The following PPM1L variants were observed in gnomAD, a reference collection of about 807,000 sequenced individuals.
PPM1L encodes protein phosphatase, Mg2+/Mn2+ dependent 1L.
Under a neutral mutation model 31.4 loss-of-function variants are expected in PPM1L, and 13 were observed. The ratio of observed to expected loss-of-function variants is 0.41; its 90% CI spans 0.27 to 0.66. The LOEUF (loss-of-function observed/expected upper bound fraction) is 0.66. Among genes scored for constraint, PPM1L ranks in the 30% least tolerant of loss-of-function variants. The pLI is 0.29. For synonymous variants in PPM1L, 184 were observed against 175.4 expected (o/e 1.05, Z -0.39); for missense variants, 326 against 453.7 (o/e 0.72, Z 2.56).
intron 1 of PPM1L, among the ~76,000 whole-genome samples, chr3:160,814,041 T>G (rs139460478): frequency 1.3e-5 from 2 of 152,362 alleles, no homozygotes; most frequent in African/African-American, 2.4e-5. Context: ...GCGTTTTATC[T>G]TTTAAAAACT....
At chr3:160,892,640 A>C (rs1187162336) in intron 1 of PPM1L, among the ~76,000 whole-genome samples, 1 of 152,102 alleles carries the variant, frequency 6.6e-6, no homozygotes, top group Non-Finnish European at 1.5e-5. Flanking sequence ...TTCGTTCCAC[A>C]TTGGGGTTTC....
chr3:161,056,935 C>T (rs144477395), intron 2 of PPM1L, among the ~76,000 whole-genome samples: 1,752 of 152,094 alleles, frequency 0.012, 47 homozygotes, highest in African/African-American at 0.039. Context: ...TGGTGGCGCA[C>T]GCCTGTAATC....
chr3:160,915,730 AAC>A (rs937283229), intron 1 of PPM1L, among the ~76,000 whole-genome samples: 4 of 152,236 alleles, frequency 2.6e-5, no homozygotes, highest in Non-Finnish European at 4.4e-5. Context: ...AATGGAACAG[AAC>A]AGAGCCCTCA....
chr3:161,067,887 C>G (rs1304130704), intron 3 of PPM1L, among the ~76,000 whole-genome samples: 1 of 152,214 alleles, frequency 6.6e-6, no homozygotes, highest in Non-Finnish European at 1.5e-5. Context: ...CATCTGCCTA[C>G]AGCATTTAGC....
intron 1 of PPM1L, among the ~76,000 whole-genome samples, chr3:160,793,604 G>A (rs1017704755): frequency 5.3e-5 from 8 of 152,294 alleles, no homozygotes; most frequent in East Asian, 1.9e-4. Flanking sequence ...TAAAGTGTGC[G>A]TGTTGATTTC....
At chr3:161,032,684 G>A (rs1718606128) in intron 2 of PPM1L, among the ~76,000 whole-genome samples, 2 of 130,084 alleles carry the variant, frequency 1.5e-5, no homozygotes, top group Admixed American at 1.6e-4. Context: ...CCTCAGTACA[G>A]AGAAGTCCTT....
chr3:160,937,949 C>G (rs1008391415), intron 1 of PPM1L, among the ~76,000 whole-genome samples: 2 of 152,114 alleles, frequency 1.3e-5, no homozygotes, highest in Non-Finnish European at 2.9e-5. Context: ...TTTGTTGATA[C>G]TTAAATTTAT....
chr3:160,897,919 A>G (rs1165854115), intron 1 of PPM1L, among the ~76,000 whole-genome samples: 1 of 152,132 alleles, frequency 6.6e-6, no homozygotes. Flanking sequence ...ACGTTTTACA[A>G]CTCTGTAATT....
chr3:160,962,985 G>C (rs199892434), intron 2 of PPM1L, among the ~76,000 whole-genome samples: 1 of 136,650 alleles, frequency 7.3e-6, no homozygotes, highest in Non-Finnish European at 1.6e-5. Context: ...TTTTTTTTTT[G>C]TTTTCCAGAC....
intron 1 of PPM1L, among the ~76,000 whole-genome samples, chr3:160,927,906 G>A (rs1714655697): frequency 6.6e-6 from 1 of 152,112 alleles, no homozygotes; most frequent in Non-Finnish European, 1.5e-5. Flanking sequence ...CCCAGTAAAT[G>A]TGTATTGAAT....
intron 1 of PPM1L, among the ~76,000 whole-genome samples, chr3:160,798,370 A>G (rs1712322352): frequency 6.6e-6 from 1 of 152,196 alleles, no homozygotes; most frequent in African/African-American, 2.4e-5. Context: ...CCTGGCTTCA[A>G]AACTTCAAAG....
intron 1 of PPM1L, among the ~76,000 whole-genome samples, chr3:160,916,255 G>A (rs1714176901): frequency 6.6e-6 from 1 of 152,110 alleles, no homozygotes; most frequent in African/African-American, 2.4e-5. Context: ...CGAAGGATAT[G>A]AACAGACACT....
At chr3:160,923,208 G>A (rs774372484) in intron 1 of PPM1L, among the ~76,000 whole-genome samples, 17 of 152,094 alleles carry the variant, frequency 1.1e-4, no homozygotes, top group Non-Finnish European at 2.2e-4. Flanking sequence ...TACCTTTTAG[G>A]ATCTCACTAT....
At chr3:160,919,340 C>T (rs1350433729) in intron 1 of PPM1L, among the ~76,000 whole-genome samples, 1 of 152,140 alleles carries the variant, frequency 6.6e-6, no homozygotes, top group African/African-American at 2.4e-5. Context: ...AGTTGGGCCA[C>T]TTAAGAACTG....
In PPM1L at chr3:161,070,977, T is replaced by G. The variant is rs1719898555; in HGVS notation, c.*1820T>G. 1 of 152,232 alleles carries G rather than the reference T, an allele frequency of 6.6e-6. No individual in the cohort carries two copies. Among genetic ancestry groups the G allele is most frequent in the South Asian group, 2.1e-4 (1 of 4,832 alleles). 9.4% of individuals were successfully genotyped at this position (152,232 alleles called of 1,614,324 possible). On this transcript the variant is annotated 3_prime_UTR_variant, in exon 4 of 4. Transcript: ENST00000498165. ...CTGTATTTTCCAGCATTACAGAACCTTGGTTATTGTTTTTTAGCCATAGAA... is the reference window on the plus strand; with the variant it reads ...CTGTATTTTCCAGCATTACAGAACCGTGGTTATTGTTTTTTAGCCATAGAA...
At chr3:160,835,667 T>G (rs1713694252) in intron 1 of PPM1L, among the ~76,000 whole-genome samples, 3 of 152,142 alleles carry the variant, frequency 2.0e-5, no homozygotes, top group African/African-American at 7.2e-5. Flanking sequence ...GAATTTCCTC[T>G]TCTCATTTTT....
intron 2 of PPM1L, among the ~76,000 whole-genome samples, chr3:161,051,832 G>C (rs879845125): frequency 6.6e-6 from 1 of 152,172 alleles, no homozygotes; most frequent in Non-Finnish European, 1.5e-5. Context: ...TGCAGAACCT[G>C]CCAATGGCAT....
intron 1 of PPM1L, among the ~76,000 whole-genome samples, chr3:160,776,550 T>A (rs1459723693): frequency 1.3e-5 from 2 of 152,132 alleles, no homozygotes; most frequent in African/African-American, 4.8e-5. Context: ...TATGGTTTAC[T>A]TACTGTATGT....
At chr3:160,877,058 A>G (rs1560135373) in intron 1 of PPM1L, among the ~76,000 whole-genome samples, 1 of 152,192 alleles carries the variant, frequency 6.6e-6, no homozygotes, top group East Asian at 1.9e-4. Context: ...AGCCAAGGAC[A>G]AGGCTTTGCA....
Sources: gnomAD v4.1 joint callset for allele counts (sites outside exome capture counted in the v4.1 genomes callset) on GRCh38, gnomAD v4.1.1 for gene constraint, MANE v1.5 for transcripts, NCBI Gene and HGNC (gene_info 2026-07-23, HGNC 2026-07-21) for gene names.